Variants in CCL17 observed in about 807,000 individuals in gnomAD.
CCL17 encodes C-C motif chemokine ligand 17.
In CCL17, 8 loss-of-function variants were observed where a neutral mutation model predicts 7.4. That is an observed-to-expected ratio of 1.09 (90% CI 0.64 to 1.96). The LOEUF (loss-of-function observed/expected upper bound fraction) is 1.96. Among genes scored for constraint, CCL17 ranks in the 30% most tolerant of loss-of-function variants. The pLI is 0.00. For synonymous variants in CCL17, 40 were observed against 46.1 expected, an observed-to-expected ratio of 0.87 and a Z score of 0.54; for missense variants, 102 against 113.0, an observed-to-expected ratio of 0.90 and a Z score of 0.44.
chr16:57,403,400 TATTATAA>T (rs1696867468), upstream of CCL17, among the ~76,000 whole-genome samples: 1 of 24,244 alleles, frequency 4.1e-5, no homozygotes, highest in African/African-American at 2.1e-4. Flanking sequence ...ATAATATATA[TATTATAA>T]TATATATATT....
At chr16:57,408,735 AT>A (rs5817098) in intron 1 of CCL17, among the ~76,000 whole-genome samples, 79,215 of 148,792 alleles carry the variant, frequency 0.53, 23,310 homozygotes, top group African/African-American at 0.81. Context: ...CACCCAGCTA[AT>A]TTTTTTTTTT....
chr16:57,401,736 A>G (rs1598007917), upstream of CCL17, among the ~76,000 whole-genome samples: 1 of 152,082 alleles, frequency 6.6e-6, no homozygotes, highest in Admixed American at 6.6e-5. Flanking sequence ...TGGTGGGTAC[A>G]GTAGTGTGGT....
At chr16:57,407,412 G>A (rs907103058) in intron 1 of CCL17, among the ~76,000 whole-genome samples, 3 of 152,152 alleles carry the variant, frequency 2.0e-5, no homozygotes, top group Admixed American at 1.3e-4. Context: ...AGAAGGATTC[G>A]GGTGTGTCTC....
intron 2 of CCL17, 141 bp downstream of exon 2, chr16:57,414,143 A>G (rs1295004837): frequency 1.7e-6 from 1 of 582,406 alleles, no homozygotes; most frequent in East Asian, 2.9e-5. Context: ...AGCCCACAGC[A>G]CTAGGATTTT....
chr16:57,411,475 G>A (rs1567563564), intron 1 of CCL17, among the ~76,000 whole-genome samples: 1 of 152,254 alleles, frequency 6.6e-6, no homozygotes, highest in Non-Finnish European at 1.5e-5. Context: ...TGAGTCTGCA[G>A]GAAAGCGAAG....
At chr16:57,405,375 CAG>C (rs1438133533) in intron 1 of CCL17, among the ~76,000 whole-genome samples, 4 of 152,242 alleles carry the variant, frequency 2.6e-5, no homozygotes, top group Non-Finnish European at 5.9e-5. Context: ...CAGCGCTGGG[CAG>C]AGTCTCTGCC....
chr16:57,414,753 G>A (rs764858455), intron 2 of CCL17, among the ~76,000 whole-genome samples: 1 of 152,074 alleles, frequency 6.6e-6, no homozygotes, highest in Non-Finnish European at 1.5e-5. Flanking sequence ...AAGGTTGCCA[G>A]GTATAGACAT....
rs551752691 is a variant in CCL17, at chr16:57,405,959, G to A, written c.-60+1123G>A. 2.3e-4 allele frequency among the ~76,000 whole-genome samples: 35 copies of A among 151,992 alleles called. No individual in the cohort carries two copies. The South Asian group carries it at 5.4e-3, about 23-fold the overall frequency. On this transcript the variant is annotated intron_variant, in intron 1 of 3. Transcript: ENST00000219244. ...TGGGAGGCTGAGGCAGGAGAATGGC[G>A]TGAACCCGGGAGGTGGAGCTTGCAG... is the stretch of plus-strand genomic sequence containing the variant.
At chr16:57,396,481 C>T in the CCL17 span, among the ~76,000 whole-genome samples, 1 of 152,240 alleles carries the variant, frequency 6.6e-6, no homozygotes, top group South Asian at 2.1e-4. Flanking sequence ...TCCCTGTGTT[C>T]TATTTTACCA....
chr16:57,400,739 G>A (rs535822089), upstream of CCL17, among the ~76,000 whole-genome samples: 2 of 152,056 alleles, frequency 1.3e-5, no homozygotes, highest in South Asian at 2.1e-4. Flanking sequence ...GAGGCCAACC[G>A]GGGTGGATCA....
chr16:57,410,384 C>T (rs1433866989), intron 1 of CCL17, among the ~76,000 whole-genome samples: 1 of 152,158 alleles, frequency 6.6e-6, no homozygotes, highest in Non-Finnish European at 1.5e-5. Flanking sequence ...AAGGAGTTAC[C>T]ACAGCCGCTC....
chr16:57,400,217 G>A (rs1309145937), upstream of CCL17, among the ~76,000 whole-genome samples: 1 of 152,144 alleles, frequency 6.6e-6, no homozygotes, highest in Admixed American at 6.5e-5. Context: ...AAATTAGCTG[G>A]GAGTAGTGGC....
Position 57,415,718 on chromosome 16 carries a change from G to C in CCL17, c.189-47G>C. The C allele has an allele frequency of 2.4e-6, 3 of 1,275,748 alleles. No individual in the cohort carries two copies. The highest frequency in any genetic ancestry group is 3.4e-6 in the Non-Finnish European group (3 of 872,010). The allele number at this position is 1,275,748 out of a possible 1,614,324, so 79.0% of individuals were successfully genotyped here. ...GGCGGGCCGTCCCAGGGACTCTGGG[G>C]GCCCTTCCCCCCCTGCCACTCCTGG... On this transcript the variant is annotated intron_variant, in intron 3 of 3. Transcript: ENST00000219244. This position sits in a 1 kb window ranked among gnomAD's most constrained non-coding sequence, Gnocchi z 4.5.
chr16:57,414,011 AG>A lies in CCL17; in HGVS notation c.70+13del, dbSNP rs1357468942. 15 of 1,609,176 alleles carry A rather than the reference AG, an allele frequency of 9.3e-6. No individual in the cohort carries two copies. Among genetic ancestry groups the A allele is most frequent in the Non-Finnish European group, 1.1e-5 (13 of 1,177,664 alleles). ...GCAGCACATCCACGCAGGTGAGAGCAGGGGACAGGTGGCCAGGGGCAGGCAC... is the reference window on the plus strand; with the variant it reads ...GCAGCACATCCACGCAGGTGAGAGCAGGGACAGGTGGCCAGGGGCAGGCAC... On this transcript the variant is annotated intron_variant, in intron 2 of 3. Transcript: ENST00000219244.
chr16:57,406,984 T>C (rs223895), intron 1 of CCL17, among the ~76,000 whole-genome samples: 97,543 of 151,868 alleles, frequency 0.64, 31,675 homozygotes, highest in African/African-American at 0.69. Context: ...TCCTAGAGCA[T>C]CAGAGCTGGA....
At chr16:57,396,941 A>G in the CCL17 span, among the ~76,000 whole-genome samples, 1 of 152,164 alleles carries the variant, frequency 6.6e-6, no homozygotes, top group Non-Finnish European at 1.5e-5. Context: ...TAAGAGTGTA[A>G]AAGCTGGATT....
At chr16:57,400,085 C>T (rs559202838), upstream of CCL17, among the ~76,000 whole-genome samples, 6 of 152,254 alleles carry the variant, frequency 3.9e-5, no homozygotes, top group South Asian at 2.1e-4. Context: ...ACTGGCAGGA[C>T]GCGGTGGCTC....
upstream of CCL17, among the ~76,000 whole-genome samples, chr16:57,403,790 G>A (rs547576551): frequency 2.8e-5 from 4 of 144,154 alleles, no homozygotes; most frequent in Non-Finnish European, 4.5e-5. Context: ...CCAAGTACCT[G>A]GGACTACAGG....
In CCL17 at chr16:57,415,785, G is replaced by A; in HGVS notation, c.209G>A (p.Arg70Lys). The A allele has an allele frequency of 6.2e-7, 1 of 1,612,532 alleles. No homozygotes were observed. Among genetic ancestry groups the A allele is most frequent in the Non-Finnish European group, 8.5e-7 (1 of 1,178,516 alleles). ...DAIVFVTVQGRAICSDPNNKR... is the reference protein window; with the variant it reads ...DAIVFVTVQGKAICSDPNNKR... ...TGTAGTTTTGTAACTGTGCAGGGCAGGGCCATCTGTTCGGACCCCAACAAC... is the reference window on the plus strand; with the variant it reads ...TGTAGTTTTGTAACTGTGCAGGGCAAGGCCATCTGTTCGGACCCCAACAAC... The change falls in exon 4 of 4, where the codon AGG (arginine) becomes AAG (lysine). Residue 70 changes from arginine to lysine, a missense_variant. Transcript: ENST00000219244. This position sits in a 1 kb window ranked among gnomAD's most constrained non-coding sequence, Gnocchi z 4.5.
Sources: allele counts gnomAD v4.1 joint callset (sites outside exome capture counted in the v4.1 genomes callset), GRCh38; gene constraint gnomAD v4.1.1; non-coding constraint Gnocchi (gnomAD v3.1); transcripts MANE v1.5; gene names NCBI Gene and HGNC (gene_info 2026-07-23, HGNC 2026-07-21).